PSMD3: variants seen among roughly 807,000 people sequenced by gnomAD.
PSMD3 encodes the protein proteasome 26S subunit, non-ATPase 3, also known as 26S proteasome non-ATPase regulatory subunit 3.
In PSMD3, 5 loss-of-function variants were observed where a neutral mutation model predicts 62.8. The ratio of observed to expected loss-of-function variants is 0.08; its 90% confidence interval spans 0.04 to 0.17. The LOEUF (loss-of-function observed/expected upper bound fraction) is 0.17. PSMD3 is among the 10% of genes least tolerant of loss of function. PSMD3 has a pLI of 1.00. For synonymous variants in PSMD3, 265 were observed against 283.9 expected, an observed-to-expected ratio of 0.93 and a Z score of 0.67; for missense variants, 524 against 713.6, an observed-to-expected ratio of 0.73 and a Z score of 3.03.
intron 4 of PSMD3, 100 bp downstream of exon 4, chr17:39,988,919 G>C: frequency 6.8e-7 from 1 of 1,475,624 alleles, no homozygotes; most frequent in East Asian, 2.3e-5. Context: ...AGAACCTGTA[G>C]ATGTAAGCAG....
At chr17:39,986,512 C>A in intron 2 of PSMD3, 63 bp from the exon 3 acceptor site, 1 of 1,578,252 alleles carries the variant, frequency 6.3e-7, no homozygotes, top group South Asian at 1.1e-5. Context: ...AGTGGATGCT[C>A]AATAAATTCT....
chr17:39,995,117 G>C lies in PSMD3; in HGVS notation c.1096+49G>C, dbSNP rs761159577. 2.5e-6 allele frequency: 4 copies of C among 1,613,778 alleles called. No homozygotes were observed. The highest frequency in any genetic ancestry group is 3.4e-6 in the Non-Finnish European group (4 of 1,179,908). On this transcript the variant is annotated intron_variant, in intron 7 of 11. Transcript: ENST00000264639. This position sits in a 1 kb window ranked among gnomAD's most constrained non-coding sequence, Gnocchi z 4.1. ...GAGCCCACTAGGCCCCCTTCAGTGG[G>C]GCCTCTTACATGCCTGTGCCTATTT...
intron 1 of PSMD3, among the ~76,000 whole-genome samples, chr17:39,981,914 G>A (rs1215165697): frequency 6.6e-6 from 1 of 152,156 alleles, no homozygotes; most frequent in Non-Finnish European, 1.5e-5. Context: ...TGTTTCGAGT[G>A]TCTGTAGTCC....
In PSMD3 at chr17:39,988,816, G is replaced by A. The variant is rs767947232; in HGVS notation, c.683G>A (p.Arg228His). The change falls in exon 4 of 12, where the codon CGC (arginine) becomes CAC (histidine). Residue 228 changes from arginine (R) to histidine (H), a missense_variant. By Grantham distance (29) the Arg-to-His change is conservative. Coordinates refer to ENST00000264639, the MANE Select transcript of PSMD3 (RefSeq NM_002809.4). ...TTCCTGGACAAGCTGGATGTGGTGC[G>A]CAGGTACAGGCAGCCAAGCATCTCA... ...YEFLDKLDVV[R>H]SFLHARLRTA... is the part of the protein sequence containing the mutation. 6 of 1,613,388 alleles carry A rather than the reference G, an allele frequency of 3.7e-6. No individual in the cohort carries two copies. Among genetic ancestry groups the A allele is most frequent in the Non-Finnish European group, 5.1e-6 (6 of 1,179,994 alleles).
chr17:39,984,199 CAAAAAAA>C (rs34306234), intron 1 of PSMD3, 88 bp from the exon 2 acceptor site: 237 of 321,344 alleles, frequency 7.4e-4, no homozygotes, highest in Middle Eastern at 4.3e-3. Context: ...GACTCCGTCT[CAAAAAAA>C]AAAAAAAAAA....
intron 2 of PSMD3, among the ~76,000 whole-genome samples, chr17:39,985,006 A>G (rs1053096011): frequency 6.6e-6 from 1 of 151,994 alleles, no homozygotes; most frequent in African/African-American, 2.4e-5. Context: ...GATTCAAACA[A>G]TCTGCCCGCC....
rs979049933 is a variant in PSMD3, at chr17:39,990,130, C to T, written c.914C>T (p.Ala305Val). The T allele has an allele frequency of 6.2e-7, 1 of 1,614,144 alleles. No individual in the cohort carries two copies. The highest frequency in any genetic ancestry group is 8.5e-7 in the Non-Finnish European group (1 of 1,180,004). The change falls in exon 6 of 12, where the codon GCC (alanine) becomes GTC (valine). Residue 305 changes from alanine (A) to valine (V), a missense_variant. Coordinates refer to ENST00000264639, the MANE Select transcript of PSMD3 (RefSeq NM_002809.4). ...IKAIQLEYSE[A>V]RRTMTNALRK... ...GCCATCCAGCTGGAGTACTCAGAGGCCCGGAGAACGATGACCAACGCCCTT... is the reference window on the plus strand; with the variant it reads ...GCCATCCAGCTGGAGTACTCAGAGGTCCGGAGAACGATGACCAACGCCCTT...
At chr17:39,984,512 T>C in intron 2 of PSMD3, 28 bp downstream of exon 2, 1 of 1,569,616 alleles carries the variant, frequency 6.4e-7, no homozygotes, top group East Asian at 2.3e-5. Context: ...ACTTAAAGGG[T>C]GCAGGCCTGG....
intron 6 of PSMD3, among the ~76,000 whole-genome samples, chr17:39,992,571 A>T (rs548503768): frequency 1.1e-4 from 16 of 152,296 alleles, no homozygotes; most frequent in African/African-American, 3.6e-4. Flanking sequence ...GTCAGCTAGC[A>T]TTCATTCCTG....
chr17:39,994,525 A>C (rs1306313605), intron 6 of PSMD3: 2 of 213,848 alleles, frequency 9.4e-6, no homozygotes, highest in African/African-American at 4.6e-5. Flanking sequence ...CTACCCACTG[A>C]TGACCTCCTC....
At position 39,989,818 on chromosome 17, in the gene PSMD3, C is replaced by A; in HGVS notation, c.766C>A (p.Arg256=). 1.2e-6 allele frequency: 2 copies of A among 1,614,176 alleles called. No homozygotes were observed. The highest frequency in any genetic ancestry group is 1.7e-6 in the Non-Finnish European group (2 of 1,180,040). Residue 256 remains arginine, a synonymous_variant, in exon 5 of 12, where the codon CGG becomes AGG. Coordinates refer to ENST00000264639, the MANE Select transcript of PSMD3 (RefSeq NM_002809.4). ...GGCCACCCTGTTGAACCTCCTGCTG[C>A]GGAATTACCTACACTACAGCTTGTA... ...GQATLLNLLL[R]NYLHYSLYDQ... is the part of the protein sequence containing the mutation.
Position 39,990,175 on chromosome 17 carries a change from C to G in PSMD3, c.959C>G (p.Thr320Arg), listed in dbSNP as rs372020193. 8.1e-6 allele frequency: 13 copies of G among 1,613,514 alleles called. No individual in the cohort carries two copies. Among genetic ancestry groups the G allele is most frequent in the Non-Finnish European group, 1.1e-5 (13 of 1,179,786 alleles). The change falls in exon 6 of 12, where the codon ACA becomes AGA. Residue 320 changes from threonine to arginine, a missense_variant. By Grantham distance (71) the Thr-to-Arg change is moderately conservative. Coordinates refer to ENST00000264639, the MANE Select transcript of PSMD3 (RefSeq NM_002809.4). Reference protein sequence around the residue: ...TNALRKAPQHTAVGFKQTVHK... With the variant: ...TNALRKAPQHRAVGFKQTVHK... ...GCCCTTCGCAAGGCCCCTCAGCACA[C>G]AGCTGTCGGCTTCAAACAGACGGTG... is the stretch of plus-strand genomic sequence containing the variant.
chr17:39,988,873 G>A, intron 4 of PSMD3, 54 bp downstream of exon 4: 7 of 1,593,442 alleles, frequency 4.4e-6, no homozygotes, highest in Non-Finnish European at 6.0e-6. Context: ...GACTTGGTCA[G>A]TCACAAGCAC....
chr17:39,984,160 A>G (rs1022987149), intron 1 of PSMD3, 134 bp from the exon 2 acceptor site: 1 of 747,376 alleles, frequency 1.3e-6, no homozygotes, highest in South Asian at 2.0e-5. Flanking sequence ...AGATCACACC[A>G]CTGCACTCCG....
At position 39,996,086 on chromosome 17, in the gene PSMD3, T is replaced by C; in HGVS notation, c.1321-97T>C. On this transcript the variant is annotated intron_variant, in intron 9 of 11. Coordinates refer to ENST00000264639, the MANE Select transcript of PSMD3 (RefSeq NM_002809.4). The surrounding 1 kb of genome is among the most constrained non-coding windows in gnomAD (Gnocchi z 5.1). ...GTGAGCTGAGATCGCACCACCGCAC[T>C]CTCCTGCCTGGGTGACAGAGCGAGA... 4 of 1,480,302 alleles carry C rather than the reference T, an allele frequency of 2.7e-6. No homozygotes were observed. The highest frequency in any genetic ancestry group is 3.7e-6 in the Non-Finnish European group (4 of 1,072,220). 91.7% of individuals were successfully genotyped at this position (1,480,302 alleles called of 1,614,324 possible). A position where few individuals can be genotyped will look rare whatever the true frequency, so the allele number is the denominator to read the frequency against.
chr17:39,985,514 C>T (rs1342016665), intron 2 of PSMD3, among the ~76,000 whole-genome samples: 1 of 152,236 alleles, frequency 6.6e-6, no homozygotes. Flanking sequence ...AACTCTCCCT[C>T]ATGATTCATG....
intron 1 of PSMD3, among the ~76,000 whole-genome samples, chr17:39,983,625 G>A (rs1980439438): frequency 6.6e-6 from 1 of 152,054 alleles, no homozygotes; most frequent in East Asian, 1.9e-4. Context: ...ATGAAGTCAA[G>A]CCCATTAATC....
Position 39,994,972 on chromosome 17 carries a change from G to A in PSMD3, c.1000G>A (p.Val334Met), listed in dbSNP as rs1422639307. Residue 334 changes from valine to methionine, a missense_variant, in exon 7 of 12, where the codon GTG becomes ATG. Physicochemically the swap from Val to Met is conservative, Grantham distance 21. Around this residue, in one of 4 missense-constraint regions of PSMD3, gnomAD observed 396 missense variants for 475.8 expected, o/e 0.83. Transcript: ENST00000264639. ...FKQTVHKLLI[V>M]VELLLGEIPD... Reference sequence around the variant, plus strand: ...TGTCCAGGTGCACAAGCTTCTCATCGTGGTGGAGCTGTTGCTGGGGGAGAT... The same window carrying A: ...TGTCCAGGTGCACAAGCTTCTCATCATGGTGGAGCTGTTGCTGGGGGAGAT... The A allele has an allele frequency of 6.2e-7, 1 of 1,614,102 alleles. No individual in the cohort carries two copies. Among genetic ancestry groups the A allele is most frequent in the Non-Finnish European group, 8.5e-7 (1 of 1,180,016 alleles).
intron 6 of PSMD3, 25 bp from the exon 7 acceptor site, chr17:39,994,929 T>G (rs755020618): frequency 6.2e-7 from 1 of 1,603,548 alleles, no homozygotes; most frequent in South Asian, 1.1e-5. Context: ...CCCTGCCCAC[T>G]GTGTTCCCCT....
Sources: allele counts gnomAD v4.1 joint callset (sites outside exome capture counted in the v4.1 genomes callset), GRCh38; gene constraint gnomAD v4.1.1; regional missense constraint gnomAD v4.1.1; non-coding constraint Gnocchi (gnomAD v3.1); transcripts MANE v1.5; gene names NCBI Gene and HGNC (gene_info 2026-07-23, HGNC 2026-07-21).